ZFAT: variants seen among roughly 807,000 people sequenced by gnomAD.
ZFAT encodes the protein zinc finger protein ZFAT.
A neutral mutation model predicts 117.7 loss-of-function variants in ZFAT; 64 were observed. The ratio of observed to expected loss-of-function variants is 0.54; its 90% CI spans 0.44 to 0.67. ZFAT has a LOEUF of 0.67. Among genes scored for constraint, ZFAT ranks in the 30% least tolerant of loss-of-function variants. ZFAT has a pLI of 0.00. For synonymous variants in ZFAT, 679 were observed against 615.0 expected (o/e 1.10, Z -1.54); for missense variants, 1,433 against 1,584.5 (o/e 0.90, Z 1.62).
At chr8:134,775,367 G>T in the ZFAT span, among the ~76,000 whole-genome samples, 49,715 of 152,010 alleles carry the variant, frequency 0.33, 8,377 homozygotes, top group Admixed American at 0.43. Flanking sequence ...ACCTGAGAGT[G>T]CTAACAAGTT....
the ZFAT span, among the ~76,000 whole-genome samples, chr8:134,806,443 C>G: frequency 2.6e-5 from 4 of 152,120 alleles, no homozygotes; most frequent in African/African-American, 9.7e-5. Context: ...CTATTTACAA[C>G]AACAACTATT....
Position 134,602,018 on chromosome 8 carries a change from G to T in ZFAT, c.1701C>A (p.Ala567=). The T allele has an allele frequency of 1.9e-6, 3 of 1,612,530 alleles. No homozygotes were observed. The highest frequency in any genetic ancestry group is 2.5e-6 in the Non-Finnish European group (3 of 1,179,698). The change falls in exon 6 of 16, where the codon GCC becomes GCA. Residue 567 remains alanine, a synonymous_variant. Transcript: ENST00000377838. ...CACAGGGTGGCAGGGCTGTGCTTTCGGCCTGCGGGGAGGCCAGGTGCACAG... is the reference window on the plus strand; with the variant it reads ...CACAGGGTGGCAGGGCTGTGCTTTCTGCCTGCGGGGAGGCCAGGTGCACAG... The part of the protein sequence containing the change: ...APAVHLASPQ[A]ESTALPPCEL...
Position 134,478,705 on chromosome 8 carries a change from G to C in ZFAT, c.3509C>G (p.Pro1170Arg). 1.3e-6 allele frequency: 2 copies of C among 1,570,060 alleles called. No individual in the cohort carries two copies. Among genetic ancestry groups the C allele is most frequent in the Non-Finnish European group, 8.6e-7 (1 of 1,157,732 alleles). The change falls in exon 16 of 16, where the codon CCC (proline) becomes CGC (arginine). Residue 1170 changes from proline (P) to arginine (R), a missense_variant. By Grantham distance (103) the Pro-to-Arg change is moderately radical. This residue lies in a region of ZFAT where 503 missense variants were observed against 543.4 expected (regional missense o/e 0.93). Transcript: ENST00000377838. This position sits in a 1 kb window ranked among gnomAD's most constrained non-coding sequence, Gnocchi z 5.2. ...TVVKQVTEEE[P>R]SSNHTVMIQE... ...GATCATGACCGTGTGGTTGGAGCTGGGCTCCTCCTCGGTGACCTGCGGGAG... is the reference window on the plus strand; with the variant it reads ...GATCATGACCGTGTGGTTGGAGCTGCGCTCCTCCTCGGTGACCTGCGGGAG...
the ZFAT span, among the ~76,000 whole-genome samples, chr8:134,742,215 G>T: frequency 6.6e-6 from 1 of 150,474 alleles, no homozygotes; most frequent in Non-Finnish European, 1.5e-5. Flanking sequence ...TGCAGAACAT[G>T]CAGGTTTGTT....
intron 1 of ZFAT, among the ~76,000 whole-genome samples, chr8:134,671,806 G>A (rs572311774): frequency 6.6e-6 from 1 of 152,348 alleles, no homozygotes; most frequent in African/African-American, 2.4e-5. Flanking sequence ...AAAAGAGGAA[G>A]TCAAATTGTC....
intron 11 of ZFAT, among the ~76,000 whole-genome samples, chr8:134,564,702 C>T (rs557302653): frequency 1.3e-5 from 2 of 152,354 alleles, no homozygotes; most frequent in South Asian, 4.1e-4. Flanking sequence ...CAGTAATTCT[C>T]AGGGTCAAGT....
intron 15 of ZFAT, among the ~76,000 whole-genome samples, chr8:134,483,960 T>C (rs546367524): frequency 2.0e-5 from 3 of 152,314 alleles, no homozygotes; most frequent in Non-Finnish European, 4.4e-5. Context: ...TTGTCTCACT[T>C]TCTTCCTACT....
At chr8:134,482,262 G>A (rs994354896) in intron 15 of ZFAT, among the ~76,000 whole-genome samples, 4 of 152,278 alleles carry the variant, frequency 2.6e-5, no homozygotes, top group East Asian at 1.9e-4. Flanking sequence ...AGTGGGAGGC[G>A]TTTAGGGATG....
the ZFAT span, chr8:134,785,874 G>A: frequency 6.6e-6 from 1 of 152,084 alleles, no homozygotes; most frequent in Non-Finnish European, 1.5e-5. Context: ...GAACTTCAGT[G>A]AATTTATAGA....
At chr8:134,579,638 C>G (rs1378833929) in intron 10 of ZFAT, among the ~76,000 whole-genome samples, 1 of 152,170 alleles carries the variant, frequency 6.6e-6, no homozygotes, top group African/African-American at 2.4e-5. Context: ...AGCCATAAGA[C>G]TGCGGGGATC....
the ZFAT span, among the ~76,000 whole-genome samples, chr8:134,783,438 T>C: frequency 1.3e-5 from 2 of 152,116 alleles, no homozygotes; most frequent in Admixed American, 6.5e-5. Context: ...CGCCTGATGA[T>C]CTGAGGTGGA....
chr8:134,632,707 A>G (rs746980795), intron 3 of ZFAT, among the ~76,000 whole-genome samples: 5 of 152,254 alleles, frequency 3.3e-5, no homozygotes, highest in Non-Finnish European at 7.3e-5. Context: ...TTAAAACTCC[A>G]GCAAAATGCA....
chr8:134,601,637 G>C lies in ZFAT; in HGVS notation c.2082C>G (p.Thr694=). 1.2e-6 allele frequency: 2 copies of C among 1,614,188 alleles called. No individual in the cohort carries two copies. The highest frequency in any genetic ancestry group is 1.7e-6 in the Non-Finnish European group (2 of 1,180,040). Residue 694 remains threonine (T), a synonymous_variant, in exon 6 of 16, where the codon ACC becomes ACG. Transcript: ENST00000377838. ...LLPPVAGGGD[T]ITHQPDSCKA... Reference sequence around the variant, plus strand: ...TGCAAGAGTCAGGCTGATGTGTGATGGTGTCCCCACCACCAGCTACTGGAG... The same window carrying C: ...TGCAAGAGTCAGGCTGATGTGTGATCGTGTCCCCACCACCAGCTACTGGAG...
chr8:134,565,739 A>G, intron 10 of ZFAT: 1 of 420,710 alleles, frequency 2.4e-6, no homozygotes, highest in Non-Finnish European at 4.4e-6. Flanking sequence ...AAGGGCATCA[A>G]GGGAGAGGGG....
intron 3 of ZFAT, among the ~76,000 whole-genome samples, chr8:134,623,465 G>A (rs964456966): frequency 3.9e-5 from 6 of 152,154 alleles, no homozygotes; most frequent in South Asian, 4.1e-4. Flanking sequence ...AGATCAATGT[G>A]TGGCCACAAC....
chr8:134,714,323 C>A (rs1209481084), upstream of ZFAT, among the ~76,000 whole-genome samples: 3 of 152,198 alleles, frequency 2.0e-5, no homozygotes, highest in African/African-American at 7.2e-5. Flanking sequence ...ACTGGCCTAG[C>A]TCCATCCCCC....
At chr8:134,676,255 C>CAAAAA (rs146638821) in intron 1 of ZFAT, among the ~76,000 whole-genome samples, 7 of 80,588 alleles carry the variant, frequency 8.7e-5, no homozygotes, top group Non-Finnish European at 1.2e-4. Context: ...AAATGGAAAG[C>CAAAAA]AAAAAAAAAA....
intron 3 of ZFAT, among the ~76,000 whole-genome samples, chr8:134,628,000 C>G (rs1009416693): frequency 6.6e-6 from 1 of 152,078 alleles, no homozygotes; most frequent in African/African-American, 2.4e-5. Context: ...CACCGAGGCA[C>G]GTGCGCGGCA....
chr8:134,772,459 T>C, the ZFAT span, among the ~76,000 whole-genome samples: 292 of 152,262 alleles, frequency 1.9e-3, no homozygotes, highest in Non-Finnish European at 3.4e-3. Flanking sequence ...TAAGCCAAAG[T>C]CTAATCCAGA....
Sources: allele counts gnomAD v4.1 joint callset (sites outside exome capture counted in the v4.1 genomes callset), GRCh38; gene constraint gnomAD v4.1.1; regional missense constraint gnomAD v4.1.1; non-coding constraint Gnocchi (gnomAD v3.1); transcripts MANE v1.5; gene names NCBI Gene and HGNC (gene_info 2026-07-23, HGNC 2026-07-21).